Variants in JARID2 observed in about 807,000 individuals in gnomAD.
The protein encoded by JARID2 is protein Jumonji.
In JARID2, 21 loss-of-function variants were observed where a neutral mutation model predicts 125.6. That is an observed-to-expected ratio of 0.17 (90% CI 0.12 to 0.24). The LOEUF (loss-of-function observed/expected upper bound fraction) is 0.24, where lower values mean the gene tolerates loss of function less well. Among genes scored for constraint, JARID2 ranks in the 10% least tolerant of loss-of-function variants. The pLI is 1.00. For missense variants in JARID2, 1,303 were observed against 1,639.6 expected, an observed-to-expected ratio of 0.79 and a Z score of 3.55; for synonymous variants, 736 against 661.6, an observed-to-expected ratio of 1.11 and a Z score of -1.73.
At chr6:15,274,412 GAAAAACTA>G (rs543217793) in intron 1 of JARID2, among the ~76,000 whole-genome samples, 139 of 152,074 alleles carry the variant, frequency 9.1e-4, no homozygotes, top group Non-Finnish European at 1.9e-3. Context: ...TTTTTACAGA[GAAAAACTA>G]AACATTTATA....
chr6:15,494,908 T>G (rs1353136920), intron 6 of JARID2, among the ~76,000 whole-genome samples: 1 of 152,060 alleles, frequency 6.6e-6, no homozygotes, highest in South Asian at 2.1e-4. Flanking sequence ...AAGTGCAGGC[T>G]CCCCCGACCC....
chr6:15,258,455 G>T (rs958975741), intron 1 of JARID2, among the ~76,000 whole-genome samples: 1 of 152,138 alleles, frequency 6.6e-6, no homozygotes, highest in Non-Finnish European at 1.5e-5. Flanking sequence ...TTTGTGGGAG[G>T]CTGAATCAAA....
At position 15,520,950 on chromosome 6, in the gene JARID2, C is replaced by T. The variant is rs573896384; in HGVS notation, c.*699C>T. On this transcript the variant is annotated 3_prime_UTR_variant, in exon 18 of 18. Coordinates refer to ENST00000341776, the MANE Select transcript of JARID2 (RefSeq NM_004973.4). ...GAGCGAGGAAGACGGAAAAGACTGC[C>T]TGCCTTGGAGGGGTCACATGAGGGA... The T allele has an allele frequency of 3.2e-5, 13 of 411,634 alleles. No individual in the cohort carries two copies. The highest frequency in any genetic ancestry group is 7.5e-5 in the East Asian group (1 of 13,308). The allele number at this position is 411,634 out of a possible 1,614,324, so 25.5% of individuals were successfully genotyped here.
chr6:15,410,437 C>T, intron 3 of JARID2, 72 bp downstream of exon 3: 1 of 1,473,780 alleles, frequency 6.8e-7, no homozygotes, highest in Non-Finnish European at 9.4e-7. Flanking sequence ...GTTTTCACCA[C>T]ATGATAACGT....
At chr6:15,377,888 C>CTT (rs71772091) in intron 2 of JARID2, among the ~76,000 whole-genome samples, 2 of 144,904 alleles carry the variant, frequency 1.4e-5, no homozygotes, top group African/African-American at 2.6e-5. Flanking sequence ...TTTTCTTCTT[C>CTT]TTTTTTTTTT....
rs1379717255 is a variant in JARID2 at position 15,520,779 on chromosome 6, G to A, written c.*528G>A. On this transcript the variant is annotated 3_prime_UTR_variant, in exon 18 of 18. Transcript: ENST00000341776. ...AGATGAGCTTGTGATCTGGGAAGCC[G>A]GGGCACCCCCGTTTTGTTTCTCTGG... The A allele has an allele frequency of 1.1e-5, 5 of 455,908 alleles. No homozygotes were observed. Among genetic ancestry groups the A allele is most frequent in the Non-Finnish European group, 1.8e-5 (4 of 226,748 alleles). 28.2% of individuals were successfully genotyped at this position (455,908 alleles called of 1,614,324 possible).
chr6:15,340,372 C>G (rs1389737529), intron 1 of JARID2, among the ~76,000 whole-genome samples: 1 of 152,198 alleles, frequency 6.6e-6, no homozygotes, highest in Non-Finnish European at 1.5e-5. Context: ...CAATCTGTGA[C>G]TTGTGCGACA....
At chr6:15,289,182 G>A (rs991362709) in intron 1 of JARID2, among the ~76,000 whole-genome samples, 2 of 152,124 alleles carry the variant, frequency 1.3e-5, no homozygotes, top group African/African-American at 2.4e-5. Context: ...TCCAAGGGAA[G>A]CATCGAGGGA....
chr6:15,475,187 A>G lies in JARID2; in HGVS notation c.670+6469A>G, dbSNP rs1769281573. On this transcript the variant is annotated intron_variant, in intron 5 of 17. Coordinates refer to ENST00000341776, the MANE Select transcript of JARID2 (RefSeq NM_004973.4). ...TAATGGGATTTCATTATGAGTATCCATCAGTCATCAAAGGGAGTATTTATT... is the reference window on the plus strand; with the variant it reads ...TAATGGGATTTCATTATGAGTATCCGTCAGTCATCAAAGGGAGTATTTATT... Among the ~76,000 whole-genome samples the G allele has an allele frequency of 2.0e-5, 3 of 152,258 alleles. No homozygotes were observed. In the South Asian group the frequency reaches 6.2e-4, roughly 32 times the overall value.
intron 3 of JARID2, among the ~76,000 whole-genome samples, chr6:15,434,277 A>C (rs948582877): frequency 6.6e-6 from 1 of 152,084 alleles, no homozygotes; most frequent in Admixed American, 6.6e-5. Context: ...TATACTCCTC[A>C]ATCAGTGACT....
chr6:15,414,866 G>A (rs563187515), intron 3 of JARID2, among the ~76,000 whole-genome samples: 250 of 152,064 alleles, frequency 1.6e-3, no homozygotes, highest in African/African-American at 5.8e-3. Context: ...TCACAGAGGG[G>A]GATTTGGCAG....
intron 1 of JARID2, among the ~76,000 whole-genome samples, chr6:15,280,383 C>G (rs1055751341): frequency 1.7e-4 from 26 of 152,088 alleles, no homozygotes; most frequent in Middle Eastern, 3.4e-3. Context: ...TTTGGATATT[C>G]TTGTTCCTGT....
At chr6:15,412,841 G>C (rs975175662) in intron 3 of JARID2, among the ~76,000 whole-genome samples, 2 of 152,062 alleles carry the variant, frequency 1.3e-5, no homozygotes, top group Middle Eastern at 3.2e-3. Flanking sequence ...TTTTCTAATA[G>C]GGTAATGGAA....
At chr6:15,441,998 T>C (rs927547928) in intron 3 of JARID2, among the ~76,000 whole-genome samples, 1 of 151,946 alleles carries the variant, frequency 6.6e-6, no homozygotes, top group Non-Finnish European at 1.5e-5. Context: ...GTCAGGCTGG[T>C]CTCAAACTCC....
chr6:15,383,571 A>G (rs991490541), intron 2 of JARID2, among the ~76,000 whole-genome samples: 14 of 152,072 alleles, frequency 9.2e-5, no homozygotes, highest in African/African-American at 2.9e-4. Context: ...GAAAATGTCT[A>G]AAAGGTTTGT....
intron 1 of JARID2, chr6:15,248,456 T>TGGGCGTGCCGGGGAGGGGGCGC (rs1759282389): frequency 5.6e-5 from 1 of 17,880 alleles, no homozygotes; most frequent in Non-Finnish European, 1.1e-4. Flanking sequence ...GGCGGGGGCG[T>TGGGCGTGCCGGGGAGGGGGCGC]GGGCGTGCCG....
chr6:15,351,969 C>A lies in JARID2; in HGVS notation c.46-22148C>A, dbSNP rs966046687. Among the ~76,000 whole-genome samples the A allele has an allele frequency of 2.0e-5, 3 of 152,228 alleles. No individual in the cohort carries two copies. In the East Asian group the frequency reaches 5.8e-4, roughly 29 times the overall value. On this transcript the variant is annotated intron_variant, in intron 1 of 17. Coordinates refer to ENST00000341776, the MANE Select transcript of JARID2 (RefSeq NM_004973.4). ...AAGAGCAGTTACTACTGTACATATC[C>A]TTTTAAAAAAGGATAATCACTGCGC...
intron 6 of JARID2, among the ~76,000 whole-genome samples, chr6:15,488,925 T>C (rs186747283): frequency 2.2e-4 from 34 of 152,196 alleles, no homozygotes; most frequent in South Asian, 6.2e-4. Flanking sequence ...CTCTTAACCA[T>C]TGGGCCCCGG....
At chr6:15,256,756 C>T (rs1412671764) in intron 1 of JARID2, among the ~76,000 whole-genome samples, 2 of 152,220 alleles carry the variant, frequency 1.3e-5, no homozygotes, top group African/African-American at 4.8e-5. Flanking sequence ...GGTCTCCTCG[C>T]ACTTTATTTT....
Sources: allele counts gnomAD v4.1 joint callset (sites outside exome capture counted in the v4.1 genomes callset), GRCh38; gene constraint gnomAD v4.1.1; transcripts MANE v1.5; gene names NCBI Gene and HGNC (gene_info 2026-07-23, HGNC 2026-07-21).